The following KCND3 variants were observed in gnomAD, a reference collection of about 807,000 sequenced individuals.
KCND3 encodes the protein potassium voltage-gated channel subfamily D member 3, also known as A-type voltage-gated potassium channel KCND3.
A neutral mutation model predicts 51.1 loss-of-function variants in KCND3; 9 were observed. The ratio of observed to expected loss-of-function variants is 0.18; its 90% CI spans 0.11 to 0.31. The LOEUF (loss-of-function observed/expected upper bound fraction) is 0.31. KCND3 is among the 10% of genes least tolerant of loss of function. The probability of loss-of-function intolerance (pLI) is 1.00; values close to 1 mark genes in which losing one functional copy is unlikely to be tolerated. For synonymous variants in KCND3, 349 were observed against 368.0 expected, an observed-to-expected ratio of 0.95 and a Z score of 0.59; for missense variants, 526 against 903.8, an observed-to-expected ratio of 0.58 and a Z score of 5.36.
At chr1:111,836,960 C>T (rs1358646709) in intron 2 of KCND3, among the ~76,000 whole-genome samples, 1 of 152,130 alleles carries the variant, frequency 6.6e-6, no homozygotes, top group Admixed American at 6.5e-5. Context: ...CTTTTCCCCA[C>T]CCCCTGTGAA....
intron 2 of KCND3, among the ~76,000 whole-genome samples, chr1:111,815,662 A>G (rs1666052428): frequency 6.6e-6 from 1 of 151,364 alleles, no homozygotes; most frequent in African/African-American, 2.4e-5. Flanking sequence ...CTTGGCTATA[A>G]ATTCGCACTT....
intron 3 of KCND3, among the ~76,000 whole-genome samples, chr1:111,783,077 A>AT (rs1390884494): frequency 6.6e-6 from 1 of 152,032 alleles, no homozygotes; most frequent in African/African-American, 2.4e-5. Flanking sequence ...GGCCATGCTT[A>AT]TACTGCCACT....
At position 111,775,817 on chromosome 1, in the gene KCND3, C is replaced by CG; in HGVS notation, c.*259dup. 175 of 188,486 alleles carry CG rather than the reference C, an allele frequency of 9.3e-4. 11 individuals are homozygous for CG. Among genetic ancestry groups the CG allele is most frequent in the South Asian group, 3.6e-3 (41 of 11,274 alleles). The allele number at this position is 188,486 out of a possible 1,614,324, so 11.7% of individuals were successfully genotyped here. On this transcript the variant is annotated 3_prime_UTR_variant, in exon 8 of 8. Coordinates refer to ENST00000302127, the MANE Select transcript of KCND3 (RefSeq NM_001378969.1). ...TAGCCTATATCCCCCGGCCTATCCCCGACCCCCCCACCCTCCCTCCCTTCC... is the reference window on the plus strand; with the variant it reads ...TAGCCTATATCCCCCGGCCTATCCCCGGACCCCCCCACCCTCCCTCCCTTCC...
At chr1:111,949,101 G>A (rs556556969) in intron 2 of KCND3, among the ~76,000 whole-genome samples, 2 of 152,304 alleles carry the variant, frequency 1.3e-5, no homozygotes, top group East Asian at 3.9e-4. Flanking sequence ...CTGGGCTGAA[G>A]GGCTGGTGTG....
intron 2 of KCND3, among the ~76,000 whole-genome samples, chr1:111,847,976 C>T (rs1667635655): frequency 6.6e-6 from 1 of 152,248 alleles, no homozygotes; most frequent in Non-Finnish European, 1.5e-5. Context: ...TCGCCTCTCC[C>T]ACGGCCTCCC....
intron 2 of KCND3, among the ~76,000 whole-genome samples, chr1:111,961,015 G>A (rs183550285): frequency 1.1e-4 from 17 of 152,308 alleles, no homozygotes; most frequent in African/African-American, 4.1e-4. Context: ...CCTAGATAGG[G>A]GTAGCCTCGA....
At chr1:111,975,071 G>A (rs1471330028) in intron 2 of KCND3, among the ~76,000 whole-genome samples, 1 of 152,158 alleles carries the variant, frequency 6.6e-6, no homozygotes, top group South Asian at 2.1e-4. Flanking sequence ...CTCTGTTTTC[G>A]TGTCTGTGTC....
chr1:111,928,304 A>G (rs1186203305), intron 2 of KCND3, among the ~76,000 whole-genome samples: 2 of 152,146 alleles, frequency 1.3e-5, no homozygotes, highest in African/African-American at 4.8e-5. Context: ...CCTGGAGTGA[A>G]GCTCACCTAC....
At chr1:111,825,074 T>C (rs769906926) in intron 2 of KCND3, among the ~76,000 whole-genome samples, 11 of 152,188 alleles carry the variant, frequency 7.2e-5, no homozygotes, top group Non-Finnish European at 1.5e-4. Context: ...TTGGTATCAC[T>C]AGAAAGATTG....
chr1:111,873,902 G>A (rs996578933), intron 2 of KCND3, among the ~76,000 whole-genome samples: 22 of 152,018 alleles, frequency 1.4e-4, no homozygotes, highest in African/African-American at 4.8e-4. Flanking sequence ...ATGATTGGAC[G>A]GGGTTGGGGA....
intron 2 of KCND3, among the ~76,000 whole-genome samples, chr1:111,927,577 G>T (rs951403336): frequency 6.6e-6 from 1 of 152,218 alleles, no homozygotes; most frequent in Admixed American, 6.5e-5. Flanking sequence ...GACTTTCCAG[G>T]ATGAAATGTG....
At chr1:111,837,708 T>G (rs1667128223) in intron 2 of KCND3, among the ~76,000 whole-genome samples, 1 of 152,188 alleles carries the variant, frequency 6.6e-6, no homozygotes, top group South Asian at 2.1e-4. Context: ...CACCGTGGAT[T>G]GAGACTGTGG....
intron 2 of KCND3, among the ~76,000 whole-genome samples, chr1:111,831,405 C>CACCT (rs1287805767): frequency 1.7e-4 from 26 of 152,228 alleles, no homozygotes; most frequent in African/African-American, 6.3e-4. Flanking sequence ...AAGTGTGTAG[C>CACCT]ACCTCCCCCA....
At chr1:111,850,790 AG>A (rs144214515) in intron 2 of KCND3, among the ~76,000 whole-genome samples, 26,527 of 152,206 alleles carry the variant, frequency 0.17, 2,579 homozygotes, top group Non-Finnish European at 0.24. Context: ...TGTTGGCGGC[AG>A]AAAAAGGCTG....
chr1:111,826,784 A>G (rs1313013687), intron 2 of KCND3, among the ~76,000 whole-genome samples: 1 of 152,226 alleles, frequency 6.6e-6, no homozygotes, highest in Non-Finnish European at 1.5e-5. Context: ...TGATAATAAC[A>G]GCTAATGTTT....
rs139691935 is a variant in KCND3 at position 111,804,530 on chromosome 1, C to T, written c.1107-17424G>A. ...CATGCTGAGGTCACTTGCAGGGCTCCGCAAGGCTTCCTCAGCAGCCCTGCC... is the reference window on the plus strand; with the variant it reads ...CATGCTGAGGTCACTTGCAGGGCTCTGCAAGGCTTCCTCAGCAGCCCTGCC... On this transcript the variant is annotated intron_variant, in intron 2 of 7. Coordinates refer to ENST00000302127, the MANE Select transcript of KCND3 (RefSeq NM_001378969.1). Among the ~76,000 whole-genome samples, 97 of 152,294 alleles carry T rather than the reference C, an allele frequency of 6.4e-4. 4 individuals carry two copies. The East Asian group carries it at 0.013, about 20-fold the overall frequency.
chr1:111,866,366 G>GCCGACCTCCCAGGCTCAAT, intron 2 of KCND3, among the ~76,000 whole-genome samples: 1 of 148,858 alleles, frequency 6.7e-6, no homozygotes, highest in East Asian at 2.1e-4. Flanking sequence ...CCAGGCTCAA[G>GCCGACCTCCCAGGCTCAAT]CCAACCTCCC....
At chr1:111,953,270 T>C (rs1029411345) in intron 2 of KCND3, among the ~76,000 whole-genome samples, 6 of 152,002 alleles carry the variant, frequency 3.9e-5, no homozygotes, top group Non-Finnish European at 7.4e-5. Context: ...AAAAAGCTTG[T>C]TGGAGATTGG....
chr1:111,960,281 A>T (rs968898376), intron 2 of KCND3, among the ~76,000 whole-genome samples: 5 of 152,144 alleles, frequency 3.3e-5, no homozygotes, highest in Non-Finnish European at 5.9e-5. Flanking sequence ...CCCCATGTAA[A>T]TGCTTCAGGG....
Sources: gnomAD v4.1 joint callset for allele counts (sites outside exome capture counted in the v4.1 genomes callset) on GRCh38, gnomAD v4.1.1 for gene constraint, MANE v1.5 for transcripts, NCBI Gene and HGNC (gene_info 2026-07-23, HGNC 2026-07-21) for gene names.